ITGB8: variants seen among roughly 807,000 people sequenced by gnomAD.
ITGB8 encodes the protein integrin beta-8.
Under a neutral mutation model 89.5 loss-of-function variants are expected in ITGB8, and 30 were observed. The ratio of observed to expected loss-of-function variants is 0.34; its 90% CI spans 0.25 to 0.45. ITGB8 has a LOEUF of 0.45. Ranked by LOEUF, ITGB8 falls within the 20% of genes least tolerant of loss-of-function variation. The pLI is 1.00. For synonymous variants in ITGB8, 335 were observed against 320.4 expected, an observed-to-expected ratio of 1.05 and a Z score of -0.49; for missense variants, 836 against 933.3, an observed-to-expected ratio of 0.90 and a Z score of 1.36.
intron 3 of ITGB8, among the ~76,000 whole-genome samples, chr7:20,376,819 T>C (rs1274458297): frequency 6.6e-6 from 1 of 152,216 alleles, no homozygotes; most frequent in African/African-American, 2.4e-5. Flanking sequence ...AAAAGGCCTG[T>C]GTATGGAAAT....
At chr7:20,352,293 C>T (rs1785139675) in intron 1 of ITGB8, 2 of 152,126 alleles carry the variant, frequency 1.3e-5, no homozygotes, top group South Asian at 2.1e-4. Context: ...CTGTTTCTGC[C>T]GTTCTTGAAA....
rs553901800 is a variant in ITGB8, at chr7:20,357,361, T to G, written c.128-6276T>G. On this transcript the variant is annotated intron_variant, in intron 1 of 13. Coordinates refer to ENST00000222573, the MANE Select transcript of ITGB8 (RefSeq NM_002214.3). ...ATATATTAGCTGTATTTTTAAAACT[T>G]TATCACCCAAGGGACTTTCATTTTA... Among the ~76,000 whole-genome samples the G allele has an allele frequency of 1.8e-3, 269 of 152,274 alleles. 2 individuals carry two copies. The highest frequency in any genetic ancestry group is 3.2e-3 in the Non-Finnish European group (221 of 68,012).
At chr7:20,370,409 G>C (rs1640010446) in intron 3 of ITGB8, among the ~76,000 whole-genome samples, 2 of 150,782 alleles carry the variant, frequency 1.3e-5, no homozygotes, top group Non-Finnish European at 3.0e-5. Flanking sequence ...TATACAAGAA[G>C]TTTAAAAAGT....
intron 12 of ITGB8, 151 bp downstream of exon 12, chr7:20,406,322 G>T: frequency 5.2e-6 from 3 of 572,026 alleles, no homozygotes; most frequent in Non-Finnish European, 9.5e-6. Flanking sequence ...AGGCCAAGGC[G>T]GGTGGATCAC....
Position 20,412,409 on chromosome 7 carries a change from A to G in ITGB8, c.*2412A>G, listed in dbSNP as rs1404378539. 1 of 152,556 alleles carries G rather than the reference A, an allele frequency of 6.6e-6. No homozygotes were observed. Among genetic ancestry groups the G allele is most frequent in the African/African-American group, 2.4e-5 (1 of 41,466 alleles). 9.5% of individuals were successfully genotyped at this position (152,556 alleles called of 1,614,324 possible). On this transcript the variant is annotated 3_prime_UTR_variant, in exon 14 of 14. Transcript: ENST00000222573. ...ACAACCCTCCAAAAGAAAAAAGTGT[A>G]AGATAGCCATTAAGATGATGACAAT...
Position 20,401,988 on chromosome 7 carries a change from C to A in ITGB8, c.1549C>A (p.Gln517Lys). 2.5e-6 allele frequency: 4 copies of A among 1,614,142 alleles called. No individual in the cohort carries two copies. The South Asian group carries it at 4.4e-5, about 18-fold the overall frequency. Reference protein sequence around the residue: ...SSESCKSHKDQPVCSGRGVCV... With the variant: ...SSESCKSHKDKPVCSGRGVCV... ...TGAGAGTTGCAAGTCACACAAGGAT[C>A]AGCCTGTTTGCAGTGGTCGAGGAGT... Residue 517 changes from glutamine to lysine, a missense_variant, in exon 10 of 14, where the codon CAG becomes AAG. Coordinates refer to ENST00000222573, the MANE Select transcript of ITGB8 (RefSeq NM_002214.3).
intron 9 of ITGB8, among the ~76,000 whole-genome samples, chr7:20,400,936 CTG>C (rs1487593709): frequency 1.3e-5 from 2 of 152,126 alleles, no homozygotes; most frequent in African/African-American, 4.8e-5. Context: ...AAAATTAAAA[CTG>C]TTCATTTGAA....
At chr7:20,395,028 C>T (rs879457945) in intron 8 of ITGB8, 43 bp downstream of exon 8, 10 of 1,210,364 alleles carry the variant, frequency 8.3e-6, no homozygotes, top group Non-Finnish European at 1.2e-5. Flanking sequence ...AAATTTTTAC[C>T]TCAATTTCTG....
intron 7 of ITGB8, 62 bp from the exon 8 acceptor site, chr7:20,394,834 G>T: frequency 1.9e-6 from 2 of 1,075,638 alleles, no homozygotes; most frequent in East Asian, 2.4e-5. Context: ...TTTACTATTT[G>T]TTGGTTGCTA....
Position 20,367,172 on chromosome 7 carries a change from T to C in ITGB8, c.374T>C (p.Ile125Thr), listed in dbSNP as rs1358523631. 6 of 1,607,922 alleles carry C rather than the reference T, an allele frequency of 3.7e-6. No individual in the cohort carries two copies. Among genetic ancestry groups the C allele is most frequent in the Non-Finnish European group, 5.1e-6 (6 of 1,176,534 alleles). ...CAGGTGACACCAGGAGAAGTGTCTA[T>C]CCAGCTGCGTCCAGGTTTGGTCATT... ...NTQVTPGEVSIQLRPGAEANF... is the reference protein window; with the variant it reads ...NTQVTPGEVSTQLRPGAEANF... Residue 125 changes from isoleucine to threonine, a missense_variant, in exon 3 of 14, where the codon ATC becomes ACC. Coordinates refer to ENST00000222573, the MANE Select transcript of ITGB8 (RefSeq NM_002214.3).
chr7:20,386,750 A>C (rs1786644061), intron 6 of ITGB8, among the ~76,000 whole-genome samples: 1 of 152,104 alleles, frequency 6.6e-6, no homozygotes, highest in Non-Finnish European at 1.5e-5. Context: ...AATGCCTTTC[A>C]AATGGGGTAA....
chr7:20,383,318 T>C (rs2127964303), intron 6 of ITGB8, among the ~76,000 whole-genome samples: 1 of 152,336 alleles, frequency 6.6e-6, no homozygotes, highest in Non-Finnish European at 1.5e-5. Flanking sequence ...AATTCAAGAA[T>C]TGGAGTTATT....
chr7:20,332,150 G>A, intron 1 of ITGB8: 1 of 1,054,690 alleles, frequency 9.5e-7, no homozygotes, highest in Non-Finnish European at 1.3e-6. Flanking sequence ...AATTATCAGA[G>A]GAGACACTCT....
At chr7:20,381,958 T>A in intron 6 of ITGB8, 73 bp downstream of exon 6, 1 of 1,292,594 alleles carries the variant, frequency 7.7e-7, no homozygotes, top group Non-Finnish European at 1.1e-6. Flanking sequence ...GCAACTCAAC[T>A]ATTTTTGTAC....
intron 3 of ITGB8, among the ~76,000 whole-genome samples, chr7:20,372,407 A>C (rs552238156): frequency 6.6e-6 from 1 of 152,336 alleles, no homozygotes; most frequent in East Asian, 1.9e-4. Flanking sequence ...GGAGAGGTGG[A>C]ATCCACAGGA....
rs1284519494 is a variant in ITGB8, at chr7:20,331,668, G to A, written c.-139G>A. On this transcript the variant is annotated 5_prime_UTR_variant, in exon 1 of 14. Transcript: ENST00000222573. ...CGCTTACCTGCACCGCTTGCTCCGA[G>A]CCGCGGGGTCCGCCTGCTAGGCCTG... is the stretch of plus-strand genomic sequence containing the variant. 2 of 1,069,926 alleles carry A rather than the reference G, an allele frequency of 1.9e-6. No homozygotes were observed. Among genetic ancestry groups the A allele is most frequent in the Non-Finnish European group, 1.3e-6 (1 of 784,674 alleles). The allele number at this position is 1,069,926 out of a possible 1,614,324, so 66.3% of individuals were successfully genotyped here. A position where few individuals can be genotyped will look rare whatever the true frequency, so the allele number is the denominator to read the frequency against.
intron 3 of ITGB8, among the ~76,000 whole-genome samples, chr7:20,373,124 A>G (rs1786002653): frequency 6.6e-6 from 1 of 152,170 alleles, no homozygotes; most frequent in African/African-American, 2.4e-5. Context: ...CCAATGTAGC[A>G]TCTGTTAAGA....
chr7:20,368,701 AGCT>A (rs1377591222), intron 3 of ITGB8, among the ~76,000 whole-genome samples: 2 of 152,208 alleles, frequency 1.3e-5, no homozygotes, highest in African/African-American at 4.8e-5. Context: ...GAAAATTATA[AGCT>A]GCATTTTATT....
At chr7:20,406,515 A>C (rs1378366646) in intron 12 of ITGB8, among the ~76,000 whole-genome samples, 1 of 151,088 alleles carries the variant, frequency 6.6e-6, no homozygotes, top group Non-Finnish European at 1.5e-5. Flanking sequence ...ATGCCATTGC[A>C]TTGCAGCCTG....
Sources: gnomAD v4.1 joint callset for allele counts (sites outside exome capture counted in the v4.1 genomes callset) on GRCh38, gnomAD v4.1.1 for gene constraint, MANE v1.5 for transcripts, NCBI Gene and HGNC (gene_info 2026-07-23, HGNC 2026-07-21) for gene names.